Variants in ROBO1 observed in about 807,000 individuals in gnomAD.
ROBO1 encodes the protein roundabout guidance receptor 1.
ROBO1 carries 149 observed loss-of-function variants against 195.9 expected under a neutral mutation model. The ratio of observed to expected loss-of-function variants is 0.76; its 90% CI spans 0.67 to 0.87. The LOEUF is 0.87. Ranked by LOEUF, ROBO1 falls within the 40% of genes least tolerant of loss-of-function variation. The pLI is 0.00. For synonymous variants in ROBO1, 816 were observed against 733.2 expected, an observed-to-expected ratio of 1.11 and a Z score of -1.82; for missense variants, 1,933 against 2,068.3, an observed-to-expected ratio of 0.93 and a Z score of 1.27.
chr3:78,724,429 A>T (rs993152185), intron 5 of ROBO1, among the ~76,000 whole-genome samples: 2 of 150,022 alleles, frequency 1.3e-5, no homozygotes, highest in Non-Finnish European at 3.0e-5. Context: ...TAATCCCAGC[A>T]CTTCGGGAGG....
intron 2 of ROBO1, among the ~76,000 whole-genome samples, chr3:79,565,871 C>G (rs1003294571): frequency 6.6e-6 from 1 of 152,058 alleles, no homozygotes; most frequent in African/African-American, 2.4e-5. Flanking sequence ...TTTGCTTACC[C>G]TTTTAAATGA....
intron 4 of ROBO1, among the ~76,000 whole-genome samples, chr3:78,830,815 A>G (rs952220992): frequency 9.2e-5 from 14 of 152,188 alleles, no homozygotes; most frequent in African/African-American, 3.4e-4. Context: ...GATTTAGAAC[A>G]CGGCTTGGAT....
At chr3:79,329,816 T>C (rs1210577984) in intron 2 of ROBO1, among the ~76,000 whole-genome samples, 4 of 152,188 alleles carry the variant, frequency 2.6e-5, no homozygotes, top group Non-Finnish European at 5.9e-5. Context: ...TAATATTTTA[T>C]TTAATGGACA....
At chr3:79,035,014 A>G (rs952989048) in intron 3 of ROBO1, among the ~76,000 whole-genome samples, 15 of 152,152 alleles carry the variant, frequency 9.9e-5, no homozygotes, top group African/African-American at 2.7e-4. Context: ...CTTTTAGAAT[A>G]AAAATAAGAA....
At chr3:78,711,034 T>A (rs1241677198) in intron 8 of ROBO1, among the ~76,000 whole-genome samples, 3 of 152,182 alleles carry the variant, frequency 2.0e-5, no homozygotes, top group Admixed American at 6.5e-5. Flanking sequence ...ACCTCCATTC[T>A]TTTTAAAAAA....
intron 8 of ROBO1, among the ~76,000 whole-genome samples, chr3:78,700,395 G>A (rs553949820): frequency 6.6e-6 from 1 of 152,290 alleles, no homozygotes; most frequent in African/African-American, 2.4e-5. Context: ...AAACTGGAAT[G>A]TCTATCTTTA....
intron 1 of ROBO1, among the ~76,000 whole-genome samples, chr3:79,616,405 C>G (rs1334996556): frequency 6.6e-6 from 1 of 152,044 alleles, no homozygotes; most frequent in African/African-American, 2.4e-5. Flanking sequence ...ATGACTGGGA[C>G]AACCATAGGA....
chr3:79,323,358 G>T (rs1216041846), intron 2 of ROBO1, among the ~76,000 whole-genome samples: 1 of 152,102 alleles, frequency 6.6e-6, no homozygotes, highest in Non-Finnish European at 1.5e-5. Context: ...GGGATTACAG[G>T]CATGAGCTGC....
At chr3:79,089,356 G>A (rs1447738594) in intron 3 of ROBO1, among the ~76,000 whole-genome samples, 1 of 151,942 alleles carries the variant, frequency 6.6e-6, no homozygotes, top group East Asian at 1.9e-4. Context: ...CACTTTCCAG[G>A]TCAATGACTA....
At chr3:79,290,332 TAC>T (rs2032168979) in intron 2 of ROBO1, among the ~76,000 whole-genome samples, 1 of 151,986 alleles carries the variant, frequency 6.6e-6, no homozygotes, top group South Asian at 2.1e-4. Context: ...GTGCCTGGCC[TAC>T]CTCCTTTTCA....
At chr3:79,502,013 A>G (rs1940098356) in intron 2 of ROBO1, among the ~76,000 whole-genome samples, 1 of 152,188 alleles carries the variant, frequency 6.6e-6, no homozygotes, top group Admixed American at 6.5e-5. Flanking sequence ...CGGTGTAGAG[A>G]AAGCTTAGGC....
chr3:79,192,566 T>C (rs917635455), intron 2 of ROBO1, among the ~76,000 whole-genome samples: 1 of 151,474 alleles, frequency 6.6e-6, no homozygotes, highest in African/African-American at 2.4e-5. Context: ...GTGGAGAACA[T>C]GGGTGATGTG....
intron 2 of ROBO1, among the ~76,000 whole-genome samples, chr3:79,276,288 G>A (rs533050246): frequency 5.3e-5 from 8 of 151,938 alleles, no homozygotes; most frequent in African/African-American, 1.7e-4. Context: ...TAAACCAAAG[G>A]AATAGGGAGA....
chr3:78,641,039 T>C (rs1477638999), intron 21 of ROBO1, among the ~76,000 whole-genome samples: 1 of 152,194 alleles, frequency 6.6e-6, no homozygotes, highest in African/African-American at 2.4e-5. Flanking sequence ...TATGCATATG[T>C]GGGTACATAT....
intron 2 of ROBO1, among the ~76,000 whole-genome samples, chr3:79,172,667 TG>T (rs2081188437): frequency 6.6e-6 from 1 of 152,140 alleles, no homozygotes; most frequent in Non-Finnish European, 1.5e-5. Context: ...TTTTTTTTTT[TG>T]GATCCTGAAT....
intron 1 of ROBO1, among the ~76,000 whole-genome samples, chr3:79,672,999 C>T (rs1436060729): frequency 7.2e-5 from 11 of 152,010 alleles, no homozygotes; most frequent in Middle Eastern, 3.4e-3. Context: ...CAAATGAGGG[C>T]CAAATGCTTC....
chr3:78,681,886 A>T (rs1409386807), intron 10 of ROBO1, among the ~76,000 whole-genome samples: 2 of 152,168 alleles, frequency 1.3e-5, no homozygotes, highest in Non-Finnish European at 1.5e-5. Context: ...TCGGCGACTC[A>T]GTCTCAAAAT....
At chr3:79,700,966 T>C (rs991922567) in intron 1 of ROBO1, among the ~76,000 whole-genome samples, 2 of 151,858 alleles carry the variant, frequency 1.3e-5, no homozygotes, top group Non-Finnish European at 2.9e-5. Context: ...AGATCTTACA[T>C]TTAAATATTT....
chr3:79,631,492 G>GACCATATAGAAAAAATAACTTTAT (rs1945338591), intron 1 of ROBO1, among the ~76,000 whole-genome samples: 1 of 151,834 alleles, frequency 6.6e-6, no homozygotes, highest in Admixed American at 6.6e-5. Flanking sequence ...AACTTGAGAT[G>GACCATATAGAAAAAATAACTTTAT]GATTAAAGAC....
Sources: allele counts gnomAD v4.1 joint callset (sites outside exome capture counted in the v4.1 genomes callset), GRCh38; gene constraint gnomAD v4.1.1; transcripts MANE v1.5; gene names NCBI Gene and HGNC (gene_info 2026-07-23, HGNC 2026-07-21).